Variants in SPNS3 observed in about 807,000 individuals in gnomAD.
SPNS3 encodes protein spinster homolog 3.
SPNS3 carries 51 observed loss-of-function variants against 54.4 expected under a neutral mutation model. That is an observed-to-expected ratio of 0.94 (90% CI 0.75 to 1.18). The LOEUF is 1.18. Among genes scored for constraint, SPNS3 ranks in the 50% most tolerant of loss-of-function variants. The pLI is 0.00. For synonymous variants in SPNS3, 309 were observed against 294.7 expected (o/e 1.05, Z -0.50); for missense variants, 669 against 677.4 (o/e 0.99, Z 0.14).
intron 1 of SPNS3, among the ~76,000 whole-genome samples, chr17:4,438,940 CTGTGTGTGTG>C (rs35255085): frequency 2.0e-5 from 3 of 149,282 alleles, no homozygotes; most frequent in Non-Finnish European, 3.0e-5. Flanking sequence ...GAGTGAGTTC[CTGTGTGTGTG>C]TGTGTGTGTG....
In SPNS3 at chr17:4,473,393, C is replaced by CTT. The variant is rs57102011; in HGVS notation, c.1114-5161_1114-5160dup. Among the ~76,000 whole-genome samples, 5,575 of 129,600 alleles carry CTT rather than the reference C, an allele frequency of 0.043. 805 individuals carry two copies. The East Asian group carries it at 0.57, about 13-fold the overall frequency. The allele number at this position is 129,600 out of a possible 152,430, so 85.0% of individuals were successfully genotyped here. A position where few individuals can be genotyped will look rare whatever the true frequency, so the allele number is the denominator to read the frequency against. On this transcript the variant is annotated intron_variant, in intron 8 of 11. Coordinates refer to ENST00000355530, the MANE Select transcript of SPNS3 (RefSeq NM_182538.5). ...AGGAGAGGACACTGCTCTTCCCAGT[C>CTT]TTTTTTTTTTTTTTTTTTTAAAGAG...
chr17:4,442,018 T>TGTGTGTGTGTGTGTGTGTGTGTG (rs1555528914), intron 2 of SPNS3, among the ~76,000 whole-genome samples: 8 of 42,248 alleles, frequency 1.9e-4, no homozygotes, highest in African/African-American at 5.0e-4. Flanking sequence ...GTGTGTGTGT[T>TGTGTGTGTGTGTGTGTGTGTGTG]TGGCAGTAGG....
At chr17:4,465,383 A>ATT (rs139063302) in intron 8 of SPNS3, among the ~76,000 whole-genome samples, 16 of 147,836 alleles carry the variant, frequency 1.1e-4, no homozygotes, top group South Asian at 2.1e-4. Flanking sequence ...TCTGCATTCT[A>ATT]TTTTTTTTTT....
At chr17:4,479,094 C>T (rs969153932) in intron 9 of SPNS3, among the ~76,000 whole-genome samples, 3 of 152,178 alleles carry the variant, frequency 2.0e-5, no homozygotes, top group African/African-American at 7.2e-5. Context: ...AGGCACCCGC[C>T]ACCATGCCCG....
At chr17:4,444,092 CTT>C (rs1970919507) in intron 2 of SPNS3, among the ~76,000 whole-genome samples, 1 of 152,086 alleles carries the variant, frequency 6.6e-6, no homozygotes, top group Admixed American at 6.5e-5. Context: ...CAGAGCGAGA[CTT>C]TGTCTCAAAA....
intron 8 of SPNS3, among the ~76,000 whole-genome samples, chr17:4,454,634 T>G (rs903563772): frequency 6.9e-3 from 511 of 74,228 alleles, no homozygotes; most frequent in Middle Eastern, 0.018. Flanking sequence ...TTTTTTTTTT[T>G]GAGACAGAGT....
intron 5 of SPNS3, among the ~76,000 whole-genome samples, chr17:4,447,314 G>A (rs1042016890): frequency 2.0e-5 from 3 of 152,242 alleles, no homozygotes; most frequent in Admixed American, 2.0e-4. Flanking sequence ...CCAAGCCGCA[G>A]GGTCAGGGTG....
rs1430415297 is a variant in SPNS3, at chr17:4,466,971, C to T, written c.1114-11601C>T. ...AGGGCCAGGGGAGGCCTTGTTGAGA[C>T]GGAGACACTCCAGAAGCAGGTGTGG... On this transcript the variant is annotated intron_variant, in intron 8 of 11. Transcript: ENST00000355530. 3.3e-5 allele frequency among the ~76,000 whole-genome samples: 5 copies of T among 151,920 alleles called. 1 individual carries two copies. The highest frequency in any genetic ancestry group is 3.9e-4 in the East Asian group (2 of 5,176).
chr17:4,445,685 G>A (rs887572453), intron 3 of SPNS3, among the ~76,000 whole-genome samples: 1 of 152,186 alleles, frequency 6.6e-6, no homozygotes, highest in African/African-American at 2.4e-5. Flanking sequence ...CCAAGCCAGT[G>A]GACTTTCTTA....
chr17:4,466,658 A>C (rs1183655234), intron 8 of SPNS3, among the ~76,000 whole-genome samples: 2 of 151,878 alleles, frequency 1.3e-5, no homozygotes, highest in Non-Finnish European at 2.9e-5. Context: ...CCTGGCCAAC[A>C]TGGTGAAACC....
At chr17:4,459,452 A>G (rs1203380618) in intron 8 of SPNS3, among the ~76,000 whole-genome samples, 1 of 152,034 alleles carries the variant, frequency 6.6e-6, no homozygotes, top group African/African-American at 2.4e-5. Context: ...TGCTTCATAC[A>G]TGTAACCCCA....
chr17:4,456,709 T>C (rs1971324552), intron 8 of SPNS3, among the ~76,000 whole-genome samples: 1 of 139,246 alleles, frequency 7.2e-6, no homozygotes, highest in African/African-American at 3.0e-5. Flanking sequence ...TTTTTGTTTT[T>C]GTGTTTTTTT....
intron 8 of SPNS3, among the ~76,000 whole-genome samples, chr17:4,470,768 G>A (rs1343376000): frequency 6.6e-6 from 1 of 152,138 alleles, no homozygotes; most frequent in Non-Finnish European, 1.5e-5. Context: ...AATTAAGTTC[G>A]AATTAGTTGT....
intron 1 of SPNS3, 26 bp downstream of exon 1, chr17:4,434,192 C>A (rs1186791220): frequency 6.3e-7 from 1 of 1,586,862 alleles, no homozygotes; most frequent in Non-Finnish European, 8.6e-7. Flanking sequence ...CTACCCTGGG[C>A]AGTACCTGCT....
chr17:4,455,917 T>TGGG (rs10531598), intron 8 of SPNS3, among the ~76,000 whole-genome samples: 3 of 150,748 alleles, frequency 2.0e-5, no homozygotes, highest in African/African-American at 7.4e-5. Flanking sequence ...CTGCCCTCTG[T>TGGG]GGGGGGGGGG....
chr17:4,434,004 G>T lies in SPNS3; in HGVS notation c.37G>T (p.Gly13Trp), dbSNP rs375347599. The change falls in exon 1 of 12, where the codon GGG becomes TGG. Residue 13 changes from glycine (G) to tryptophan (W), a missense_variant. Coordinates refer to ENST00000355530, the MANE Select transcript of SPNS3 (RefSeq NM_182538.5). Reference sequence around the variant, plus strand: ...GATGTCAGCGGAGTGCCCTGAGCCTGGGCCAGGAGGTCTGCAGGGCCAGTC... The same window carrying T: ...GATGTCAGCGGAGTGCCCTGAGCCTTGGCCAGGAGGTCTGCAGGGCCAGTC... Reference protein sequence around the residue: ...GGMSAECPEPGPGGLQGQSPG... With the variant: ...GGMSAECPEPWPGGLQGQSPG... The T allele has an allele frequency of 1.3e-6, 2 of 1,590,062 alleles. No individual in the cohort carries two copies. Among genetic ancestry groups the T allele is most frequent in the Non-Finnish European group, 1.7e-6 (2 of 1,167,536 alleles).
At position 4,483,910 on chromosome 17, in the gene SPNS3, C is replaced by T. The variant is rs1250251970; in HGVS notation, c.1180-2318C>T. On this transcript the variant is annotated intron_variant, in intron 9 of 11. Coordinates refer to ENST00000355530, the MANE Select transcript of SPNS3 (RefSeq NM_182538.5). This position sits in a 1 kb window ranked among gnomAD's most constrained non-coding sequence, Gnocchi z 4.2. ...CAGAGATCGTGTCCCTGGGATCCTC[C>T]CTCCACACCGTCGCTTACACTGTCC... Among the ~76,000 whole-genome samples, 1 of 152,172 alleles carries T rather than the reference C, an allele frequency of 6.6e-6. No individual in the cohort carries two copies. The highest frequency in any genetic ancestry group is 1.5e-5 in the Non-Finnish European group (1 of 68,034).
intron 8 of SPNS3, among the ~76,000 whole-genome samples, chr17:4,458,644 T>TC: frequency 6.9e-6 from 1 of 144,498 alleles, no homozygotes; most frequent in African/African-American, 2.6e-5. Flanking sequence ...TTTCTTTCTT[T>TC]CTTTCCTTCC....
At chr17:4,434,639 G>A (rs1970667585) in intron 1 of SPNS3, among the ~76,000 whole-genome samples, 1 of 151,548 alleles carries the variant, frequency 6.6e-6, no homozygotes, top group Non-Finnish European at 1.5e-5. Context: ...TGGGATTACA[G>A]GCGTGCACCA....
Sources: allele counts gnomAD v4.1 joint callset (sites outside exome capture counted in the v4.1 genomes callset), GRCh38; gene constraint gnomAD v4.1.1; non-coding constraint Gnocchi (gnomAD v3.1); transcripts MANE v1.5; gene names NCBI Gene and HGNC (gene_info 2026-07-23, HGNC 2026-07-21).